C10orf71: variants seen among roughly 807,000 people sequenced by gnomAD.
C10orf71 encodes the protein chromosome 10 open reading frame 71, also known as cardiac-enriched FHL2-interacting protein.
For missense variants in C10orf71, 1,869 were observed against 1,804.5 expected (o/e 1.04, Z -0.65); for synonymous variants, 758 against 726.3 (o/e 1.04, Z -0.70).
In C10orf71 at chr10:49,324,795, G is replaced by A; in HGVS notation, c.2250G>A (p.Glu750=). The change falls in exon 3 of 3, where the codon GAG becomes GAA. Residue 750 remains glutamate (E), a synonymous_variant. Coordinates refer to ENST00000374144, the MANE Select transcript of C10orf71 (RefSeq NM_001135196.2). ...ATCAGCAGAAGATGTGGTTTACTGA[G>A]AACCAGCGGGAAGACAGGAGGAAGG... The part of the protein sequence containing the change: ...FDDQQKMWFT[E]NQREDRRKDV... 2 of 1,552,244 alleles carry A rather than the reference G, an allele frequency of 1.3e-6. No individual in the cohort carries two copies. Among genetic ancestry groups the A allele is most frequent in the Non-Finnish European group, 8.7e-7 (1 of 1,147,158 alleles).
chr10:49,319,681 GCTATATAT>G (rs1849058491), intron 2 of C10orf71, among the ~76,000 whole-genome samples: 1 of 37,442 alleles, frequency 2.7e-5, no homozygotes, highest in Non-Finnish European at 5.4e-5. Context: ...ACACACACAA[GCTATATAT>G]ATATATATAT....
Position 49,326,191 on chromosome 10 carries a change from C to G in C10orf71, c.3646C>G (p.Gln1216Glu), listed in dbSNP as rs1234707201. ...EGKPCPEDLEQTQQRPLCPRE... is the reference protein window; with the variant it reads ...EGKPCPEDLEETQQRPLCPRE... Reference sequence around the variant, plus strand: ...AAAGCCCTGCCCGGAGGACTTGGAGCAGACACAGCAAAGGCCGCTGTGCCC... The same window carrying G: ...AAAGCCCTGCCCGGAGGACTTGGAGGAGACACAGCAAAGGCCGCTGTGCCC... The change falls in exon 3 of 3, where the codon CAG (glutamine) becomes GAG (glutamate). Residue 1216 changes from glutamine to glutamate, a missense_variant. Gln to Glu is a conservative substitution (Grantham distance 29). Coordinates refer to ENST00000374144, the MANE Select transcript of C10orf71 (RefSeq NM_001135196.2). 6.4e-6 allele frequency: 10 copies of G among 1,551,474 alleles called. No homozygotes were observed. The Middle Eastern group carries it at 5.0e-4, about 78-fold the overall frequency.
Position 49,326,619 on chromosome 10 carries a change from C to T in C10orf71, c.4074C>T (p.Pro1358=). ...PLRCSSQLSA[P]TFLRQGPRAS... ...GCTGCTCCTCTCAGCTCTCCGCGCC[C>T]ACCTTCCTCAGGCAGGGCCCTCGTG... The change falls in exon 3 of 3, where the codon CCC becomes CCT. Residue 1358 remains proline (P), a synonymous_variant. Coordinates refer to ENST00000374144, the MANE Select transcript of C10orf71 (RefSeq NM_001135196.2). The T allele has an allele frequency of 6.5e-7, 1 of 1,550,288 alleles. No individual in the cohort carries two copies. The highest frequency in any genetic ancestry group is 8.7e-7 in the Non-Finnish European group (1 of 1,146,856).
At position 49,324,301 on chromosome 10, in the gene C10orf71, G is replaced by C; in HGVS notation, c.1756G>C (p.Asp586His). The C allele has an allele frequency of 6.2e-7, 1 of 1,613,962 alleles. No homozygotes were observed. Among genetic ancestry groups the C allele is most frequent in the Non-Finnish European group, 8.5e-7 (1 of 1,179,876 alleles). Residue 586 changes from aspartate (D) to histidine (H), a missense_variant, in exon 3 of 3, where the codon GAC (aspartate) becomes CAC (histidine). Transcript: ENST00000374144. ...AGCTGACCCCAGTGAGCCCTCTGCA[G>C]ACAGCTATCTAACTCTTAGCACAGC... ...PTADPSEPSA[D>H]SYLTLSTAPT...
intron 1 of C10orf71, among the ~76,000 whole-genome samples, chr10:49,314,758 G>T (rs1848971723): frequency 6.6e-6 from 1 of 152,172 alleles, no homozygotes; most frequent in Non-Finnish European, 1.5e-5. Context: ...GGGCTGATCT[G>T]AATTTTTTGG....
In C10orf71 at chr10:49,325,730, C is replaced by A. The variant is rs779213214; in HGVS notation, c.3185C>A (p.Pro1062His). The stretch of plus-strand genomic sequence containing the variant: ...GCGAATTCCCCCAACCCCGGCTCCC[C>A]CGGGGAGAGCAGTGCCTGCTCCCCT... ...ERANSPNPGSPGESSACSPAA... is the reference protein window; with the variant it reads ...ERANSPNPGSHGESSACSPAA... Residue 1062 changes from proline (P) to histidine (H), a missense_variant, in exon 3 of 3, where the codon CCC (proline) becomes CAC (histidine). By Grantham distance (77) the Pro-to-His change is moderately conservative. Coordinates refer to ENST00000374144, the MANE Select transcript of C10orf71 (RefSeq NM_001135196.2). The A allele has an allele frequency of 2.7e-5, 42 of 1,551,532 alleles. No homozygotes were observed. Among genetic ancestry groups the A allele is most frequent in the Non-Finnish European group, 3.6e-5 (41 of 1,146,886 alleles).
chr10:49,316,531 A>T (rs1849002268), intron 2 of C10orf71, among the ~76,000 whole-genome samples: 1 of 152,230 alleles, frequency 6.6e-6, no homozygotes, highest in Non-Finnish European at 1.5e-5. Context: ...ATGAGGATAT[A>T]AACCCAGGAT....
rs762239726 is a variant in C10orf71, at chr10:49,325,647, C to A, written c.3102C>A (p.His1034Gln). 1 of 1,552,014 alleles carries A rather than the reference C, an allele frequency of 6.4e-7. No individual in the cohort carries two copies. Among genetic ancestry groups the A allele is most frequent in the Non-Finnish European group, 8.7e-7 (1 of 1,147,102 alleles). The change falls in exon 3 of 3, where the codon CAC becomes CAA. Residue 1034 changes from histidine (H) to glutamine (Q), a missense_variant. By Grantham distance (24) the His-to-Gln change is conservative. Coordinates refer to ENST00000374144, the MANE Select transcript of C10orf71 (RefSeq NM_001135196.2). ...WEEQTPGFKS[H>Q]FLSTPRAGPP... ...AGCAAACACCAGGTTTCAAGAGTCA[C>A]TTTTTGTCCACACCCAGAGCAGGGC...
At chr10:49,299,612 G>A (rs996508451) in intron 1 of C10orf71, among the ~76,000 whole-genome samples, 2 of 152,208 alleles carry the variant, frequency 1.3e-5, no homozygotes, top group East Asian at 3.9e-4. Context: ...GCCCATTGGT[G>A]TTGGGGCTAA....
chr10:49,304,390 C>A (rs746932716), intron 1 of C10orf71, among the ~76,000 whole-genome samples: 1 of 152,174 alleles, frequency 6.6e-6, no homozygotes, highest in Non-Finnish European at 1.5e-5. Context: ...TTTGCGTCAG[C>A]CCTACTCAAT....
chr10:49,298,053 G>C (rs1848665148), upstream of C10orf71, among the ~76,000 whole-genome samples: 1 of 152,218 alleles, frequency 6.6e-6, no homozygotes, highest in Admixed American at 6.5e-5. Flanking sequence ...TTTGTGACTT[G>C]GTTTAGACAA....
In C10orf71 at chr10:49,324,484, C is replaced by A; in HGVS notation, c.1939C>A (p.Leu647Met). The change falls in exon 3 of 3, where the codon CTG becomes ATG. Residue 647 changes from leucine (L) to methionine (M), a missense_variant. Coordinates refer to ENST00000374144, the MANE Select transcript of C10orf71 (RefSeq NM_001135196.2). ...REHRPRKHLS[L>M]RLCNRDPEPG... ...ACACCGCCCCAGGAAACACCTCTCCCTGAGGCTTTGCAATAGGGATCCTGA... is the reference window on the plus strand; with the variant it reads ...ACACCGCCCCAGGAAACACCTCTCCATGAGGCTTTGCAATAGGGATCCTGA... 6.2e-7 allele frequency: 1 copy of A among 1,609,584 alleles called. No homozygotes were observed. The highest frequency in any genetic ancestry group is 2.2e-5 in the East Asian group (1 of 44,750).
intron 1 of C10orf71, among the ~76,000 whole-genome samples, chr10:49,300,852 G>T (rs1848717142): frequency 6.6e-6 from 1 of 152,214 alleles, no homozygotes. Context: ...TGGGTAAGAA[G>T]GGGGCTGGTA....
rs867497034 is a variant in C10orf71 at position 49,326,339 on chromosome 10, C to T, written c.3794C>T (p.Thr1265Ile). ...GRRPGGPQSL[T>I]PLPAYPATQK... ...CGGCCCGGGGGCCCCCAGTCCCTCACACCCCTGCCCGCGTACCCCGCCACC... is the reference window on the plus strand; with the variant it reads ...CGGCCCGGGGGCCCCCAGTCCCTCATACCCCTGCCCGCGTACCCCGCCACC... Residue 1265 changes from threonine (T) to isoleucine (I), a missense_variant, in exon 3 of 3, where the codon ACA becomes ATA. Transcript: ENST00000374144. The T allele has an allele frequency of 1.3e-6, 2 of 1,550,100 alleles. No homozygotes were observed. Among genetic ancestry groups the T allele is most frequent in the East Asian group, 2.4e-5 (1 of 40,900 alleles).
intron 2 of C10orf71, among the ~76,000 whole-genome samples, chr10:49,322,016 A>G (rs7905168): frequency 0.3 from 45,293 of 152,110 alleles, 6,886 homozygotes; most frequent in East Asian, 0.41. Context: ...CTTCCATTCC[A>G]TAGAATACCT....
chr10:49,326,392 G>A lies in C10orf71; in HGVS notation c.3847G>A (p.Gly1283Arg), dbSNP rs1047765296. The change falls in exon 3 of 3, where the codon GGG becomes AGG. Residue 1283 changes from glycine to arginine, a missense_variant. By Grantham distance (125) the Gly-to-Arg change is moderately radical. Coordinates refer to ENST00000374144, the MANE Select transcript of C10orf71 (RefSeq NM_001135196.2). ...TQKVLQDPQSGEYFVFDLPLQ... is the reference protein window; with the variant it reads ...TQKVLQDPQSREYFVFDLPLQ... ...GAAGGTCCTCCAGGATCCGCAGTCC[G>A]GGGAGTACTTTGTCTTCGACTTGCC... 3.7e-5 allele frequency: 57 copies of A among 1,550,400 alleles called. No individual in the cohort carries two copies. The highest frequency in any genetic ancestry group is 4.8e-5 in the Non-Finnish European group (55 of 1,146,902).
intron 1 of C10orf71, among the ~76,000 whole-genome samples, chr10:49,309,939 G>A (rs1349168395): frequency 6.6e-6 from 1 of 152,224 alleles, no homozygotes; most frequent in African/African-American, 2.4e-5. Flanking sequence ...TCTCTAAGAA[G>A]TGAAAGCACC....
intron 2 of C10orf71, among the ~76,000 whole-genome samples, chr10:49,321,480 A>T (rs4838496): frequency 6.6e-6 from 1 of 152,360 alleles, no homozygotes; most frequent in Admixed American, 6.5e-5. Context: ...AATTTTGTTC[A>T]CTTCTCTGTC....
At chr10:49,299,804 G>A (rs796609635) in intron 1 of C10orf71, among the ~76,000 whole-genome samples, 22 of 152,342 alleles carry the variant, frequency 1.4e-4, no homozygotes, top group African/African-American at 5.3e-4. Flanking sequence ...TCAGCATTCA[G>A]GGCTGAGGGA....
Sources: gnomAD v4.1 joint callset for allele counts (sites outside exome capture counted in the v4.1 genomes callset) on GRCh38, gnomAD v4.1.1 for gene constraint, MANE v1.5 for transcripts, NCBI Gene and HGNC (gene_info 2026-07-23, HGNC 2026-07-21) for gene names.